The following CEP295 variants were observed in gnomAD, a reference collection of about 807,000 sequenced individuals.
The protein encoded by CEP295 is centrosomal protein 295.
A neutral mutation model predicts 291.6 loss-of-function variants in CEP295; 190 were observed. That is an observed-to-expected ratio of 0.65 (90% CI 0.58 to 0.73). The LOEUF is 0.73. Among genes scored for constraint, CEP295 ranks in the 30% least tolerant of loss-of-function variants. The pLI is 0.00. For missense variants in CEP295, 2,863 were observed against 2,949.4 expected (o/e 0.97, Z 0.68); for synonymous variants, 993 against 1,038.8 (o/e 0.96, Z 0.85).
At chr11:93,674,716 C>G (rs1323927492) in intron 5 of CEP295, among the ~76,000 whole-genome samples, 2 of 152,176 alleles carry the variant, frequency 1.3e-5, no homozygotes, top group Non-Finnish European at 2.9e-5. Flanking sequence ...AGAAGACATC[C>G]AGCAGAAGTG....
At chr11:93,714,197 G>A (rs1402835499) in intron 18 of CEP295, among the ~76,000 whole-genome samples, 2 of 152,084 alleles carry the variant, frequency 1.3e-5, no homozygotes, top group Non-Finnish European at 2.9e-5. Context: ...TTTCCTGTAT[G>A]GTCTTGATGT....
chr11:93,729,808 C>A, intron 27 of CEP295, 27 bp downstream of exon 27: 4 of 1,536,764 alleles, frequency 2.6e-6, no homozygotes, highest in Non-Finnish European at 3.5e-6. Flanking sequence ...AAATCTTCAA[C>A]CAACTCCCTG....
intron 17 of CEP295, among the ~76,000 whole-genome samples, chr11:93,704,361 C>G (rs918102531): frequency 1.3e-5 from 2 of 152,108 alleles, no homozygotes; most frequent in African/African-American, 2.4e-5. Context: ...TGCAATGACT[C>G]ACACCTGTAA....
chr11:93,727,133 A>G lies in CEP295; in HGVS notation c.6657A>G (p.Leu2219=), dbSNP rs1228901318. ...NYPSEEHTEI[L]QNKKKIVHFQ... The stretch of plus-strand genomic sequence containing the variant: ...CCTCTGAAGAACATACTGAAATATT[A>G]CAAAACAAGAAAAAAATTGTTCATT... The change falls in exon 24 of 30, where the codon TTA becomes TTG. Residue 2219 remains leucine (L), a synonymous_variant. Transcript: ENST00000325212. 1.3e-6 allele frequency: 2 copies of G among 1,550,864 alleles called. No homozygotes were observed. Among genetic ancestry groups the G allele is most frequent in the Non-Finnish European group, 1.7e-6 (2 of 1,146,832 alleles).
chr11:93,672,780 G>T (rs1950512952), intron 5 of CEP295, among the ~76,000 whole-genome samples: 1 of 152,112 alleles, frequency 6.6e-6, no homozygotes, highest in African/African-American at 2.4e-5. Flanking sequence ...ATTCTGCCAG[G>T]CTAAGGACTG....
At chr11:93,686,245 G>A (rs1344139405) in intron 9 of CEP295, among the ~76,000 whole-genome samples, 2 of 151,878 alleles carry the variant, frequency 1.3e-5, no homozygotes, top group Non-Finnish European at 2.9e-5. Context: ...CTTGAACCTG[G>A]GAGACAAAGG....
chr11:93,662,896 T>G (rs1299921708), intron 1 of CEP295, among the ~76,000 whole-genome samples: 2 of 152,240 alleles, frequency 1.3e-5, no homozygotes, highest in African/African-American at 4.8e-5. Context: ...ATTTACCTCT[T>G]GATAACAATG....
intron 17 of CEP295, among the ~76,000 whole-genome samples, chr11:93,705,581 C>A: frequency 6.6e-6 from 1 of 151,948 alleles, no homozygotes; most frequent in East Asian, 1.9e-4. Flanking sequence ...TGATTATTTT[C>A]TTTTTTTATA....
chr11:93,691,250 G>A (rs1428476134), intron 10 of CEP295, among the ~76,000 whole-genome samples: 1 of 152,140 alleles, frequency 6.6e-6, no homozygotes, highest in Admixed American at 6.6e-5. Flanking sequence ...AGACTATCTG[G>A]CTACCCAAAT....
chr11:93,681,790 G>A (rs1281072084), intron 7 of CEP295, among the ~76,000 whole-genome samples: 1 of 151,658 alleles, frequency 6.6e-6, no homozygotes, highest in Non-Finnish European at 1.5e-5. Context: ...CAAACAATCT[G>A]CCTGCCTCGA....
chr11:93,714,246 G>T (rs1433484742), intron 18 of CEP295, among the ~76,000 whole-genome samples: 8 of 152,086 alleles, frequency 5.3e-5, no homozygotes, highest in African/African-American at 1.9e-4. Flanking sequence ...TAAAGAGTTA[G>T]GTGTTTCTTT....
intron 5 of CEP295, among the ~76,000 whole-genome samples, chr11:93,672,172 G>C (rs1017793448): frequency 1.3e-5 from 2 of 152,132 alleles, no homozygotes; most frequent in African/African-American, 4.8e-5. Context: ...TTTCTATAAA[G>C]CTCATGATCT....
In CEP295 at chr11:93,727,129, T is replaced by C. The variant is rs1954207946; in HGVS notation, c.6653T>C (p.Ile2218Thr). 6.4e-7 allele frequency: 1 copy of C among 1,551,162 alleles called. No homozygotes were observed. The highest frequency in any genetic ancestry group is 1.4e-5 in the African/African-American group (1 of 73,120). The change falls in exon 24 of 30, where the codon ATA becomes ACA. Residue 2218 changes from isoleucine to threonine, a missense_variant. Transcript: ENST00000325212. Reference sequence around the variant, plus strand: ...TATCCCTCTGAAGAACATACTGAAATATTACAAAACAAGAAAAAAATTGTT... The same window carrying C: ...TATCCCTCTGAAGAACATACTGAAACATTACAAAACAAGAAAAAAATTGTT... ...QNYPSEEHTEILQNKKKIVHF... is the reference protein window; with the variant it reads ...QNYPSEEHTETLQNKKKIVHF...
chr11:93,700,328 T>C (rs1299289483), intron 15 of CEP295, 142 bp downstream of exon 15: 2 of 789,398 alleles, frequency 2.5e-6, no homozygotes, highest in Non-Finnish European at 3.9e-6. Context: ...CTAAATGATG[T>C]GGAAGTTAAA....
chr11:93,730,076 A>G lies in CEP295; in HGVS notation c.7695A>G (p.Lys2565=). The G allele has an allele frequency of 6.4e-7, 1 of 1,550,920 alleles. No individual in the cohort carries two copies. Among genetic ancestry groups the G allele is most frequent in the Non-Finnish European group, 8.7e-7 (1 of 1,146,798 alleles). The change falls in exon 29 of 30, where the codon AAA becomes AAG. Residue 2565 remains lysine (K), a synonymous_variant. Coordinates refer to ENST00000325212, the MANE Select transcript of CEP295 (RefSeq NM_033395.2). ...TATACAATCAACTAGCTGAAGTGAA[A>G]CAACAAAAGGAAGAAAAAACAAAAC... is the stretch of plus-strand genomic sequence containing the variant. ...LRLYNQLAEV[K]QQKEEKTKQE...
At chr11:93,666,094 C>T (rs576002361) in intron 1 of CEP295, among the ~76,000 whole-genome samples, 4 of 152,278 alleles carry the variant, frequency 2.6e-5, no homozygotes, top group African/African-American at 4.8e-5. Context: ...TCCAGATACT[C>T]GAGGTAGACA....
chr11:93,685,572 T>G (rs1951191655), intron 9 of CEP295, among the ~76,000 whole-genome samples: 1 of 152,244 alleles, frequency 6.6e-6, no homozygotes, highest in Non-Finnish European at 1.5e-5. Flanking sequence ...GGTTACTGTG[T>G]TTTGACTTTG....
intron 5 of CEP295, among the ~76,000 whole-genome samples, chr11:93,671,600 C>T (rs1473141615): frequency 6.6e-6 from 1 of 152,022 alleles, no homozygotes; most frequent in Non-Finnish European, 1.5e-5. Context: ...ATTCTTGTTT[C>T]ACTAAAAGGC....
chr11:93,712,277 C>T (rs1411187627), intron 18 of CEP295, among the ~76,000 whole-genome samples: 5 of 151,804 alleles, frequency 3.3e-5, no homozygotes, highest in South Asian at 4.2e-4. Flanking sequence ...GACAGAGTCT[C>T]ACTCTGTCAC....
Sources: gnomAD v4.1 joint callset for allele counts (sites outside exome capture counted in the v4.1 genomes callset) on GRCh38, gnomAD v4.1.1 for gene constraint, MANE v1.5 for transcripts, NCBI Gene and HGNC (gene_info 2026-07-23, HGNC 2026-07-21) for gene names.